Variants in CCDC92B observed in about 807,000 individuals in gnomAD.
The protein encoded by CCDC92B is coiled-coil domain containing 92B.
A neutral mutation model predicts 5.6 loss-of-function variants in CCDC92B; 2 were observed. The ratio of observed to expected loss-of-function variants is 0.36; its 90% CI spans 0.15 to 1.12. CCDC92B has a LOEUF of 1.12. CCDC92B is among the 50% of genes most tolerant of loss of function. CCDC92B has a pLI of 0.40. For synonymous variants in CCDC92B, 115 were observed against 122.3 expected (o/e 0.94, Z 0.39); for missense variants, 271 against 262.2 (o/e 1.03, Z -0.23).
At chr17:2,739,142 C>T (rs185299660) in intron 1 of CCDC92B, among the ~76,000 whole-genome samples, 3,046 of 151,346 alleles carry the variant, frequency 0.02, 161 homozygotes, top group African/African-American at 0.07. Flanking sequence ...CCAAGGTGGG[C>T]GGATCACGAG....
Position 2,724,811 on chromosome 17 carries a change from G to C in CCDC92B, c.368C>G (p.Ala123Gly). 1.0e-6 allele frequency: 1 copy of C among 984,868 alleles called. No homozygotes were observed. Among genetic ancestry groups the C allele is most frequent in the Non-Finnish European group, 1.2e-6 (1 of 829,774 alleles). 61.0% of individuals were successfully genotyped at this position (984,868 alleles called of 1,614,324 possible). Residue 123 changes from alanine (A) to glycine (G), a missense_variant, in exon 4 of 4, where the codon GCC becomes GGC. Coordinates refer to ENST00000614400, the MANE Select transcript of CCDC92B (RefSeq NM_001355573.2). The surrounding 1 kb of genome is among the most constrained non-coding windows in gnomAD (Gnocchi z 5.0). Reference protein sequence around the residue: ...LEELRRRSHRATVLGTELQKH... With the variant: ...LEELRRRSHRGTVLGTELQKH... ...CTGCAGCTCGGTGCCCAGCACGGTG[G>C]CGCGGTGGCTGCGGCGGCGCAGCTC...
intron 3 of CCDC92B, among the ~76,000 whole-genome samples, chr17:2,727,988 C>G (rs555756032): frequency 2.6e-4 from 39 of 151,952 alleles, no homozygotes; most frequent in Admixed American, 1.1e-3. Flanking sequence ...ACAGCCTGGA[C>G]AACAGAGCAA....
rs190817964 is a variant in CCDC92B, at chr17:2,726,454, T to C, written c.179-1454A>G. Among the ~76,000 whole-genome samples, 539 of 152,196 alleles carry C rather than the reference T, an allele frequency of 3.5e-3. 1 individual carries two copies. The highest frequency in any genetic ancestry group is 6.4e-3 in the Admixed American group (97 of 15,264). ...GCCTCAGCCTCCCAAAGTGCTGGGATTACAGGCATGAGCCACCGCGCCCGG... is the reference window on the plus strand; with the variant it reads ...GCCTCAGCCTCCCAAAGTGCTGGGACTACAGGCATGAGCCACCGCGCCCGG... On this transcript the variant is annotated intron_variant, in intron 3 of 3. Coordinates refer to ENST00000614400, the MANE Select transcript of CCDC92B (RefSeq NM_001355573.2).
intron 2 of CCDC92B, among the ~76,000 whole-genome samples, chr17:2,730,980 A>G (rs1048824232): frequency 2.0e-5 from 3 of 152,156 alleles, no homozygotes; most frequent in African/African-American, 7.2e-5. Flanking sequence ...GTGGCTACTT[A>G]CCAGTCTGGA....
chr17:2,731,323 AT>A (rs1423070427), intron 2 of CCDC92B, among the ~76,000 whole-genome samples: 1 of 151,532 alleles, frequency 6.6e-6, no homozygotes, highest in Non-Finnish European at 1.5e-5. Flanking sequence ...GAGTTTGATA[AT>A]TTTTCCAGCC....
chr17:2,742,056 G>A (rs1471688764), intron 1 of CCDC92B, among the ~76,000 whole-genome samples: 1 of 150,304 alleles, frequency 6.7e-6, no homozygotes, highest in Non-Finnish European at 1.5e-5. Flanking sequence ...AGCAGTGGAA[G>A]AACATGATAT....
intron 1 of CCDC92B, among the ~76,000 whole-genome samples, chr17:2,744,957 G>A (rs547924831): frequency 3.3e-5 from 5 of 151,008 alleles, no homozygotes; most frequent in African/African-American, 9.7e-5. Flanking sequence ...TGGTCCCAGC[G>A]TGGAGGCTGA....
At chr17:2,747,148 C>A (rs1477026202) in intron 1 of CCDC92B, among the ~76,000 whole-genome samples, 4 of 152,204 alleles carry the variant, frequency 2.6e-5, no homozygotes, top group African/African-American at 4.8e-5. Context: ...CTTCTTGTGA[C>A]CTGCTTGCCT....
chr17:2,747,445 G>A (rs753189984), intron 1 of CCDC92B, among the ~76,000 whole-genome samples: 6 of 152,176 alleles, frequency 3.9e-5, no homozygotes, highest in Non-Finnish European at 7.4e-5. Context: ...AAATGAATCA[G>A]GTCAGGTGCG....
chr17:2,733,939 T>C (rs538167506), intron 2 of CCDC92B, among the ~76,000 whole-genome samples: 19 of 151,730 alleles, frequency 1.3e-4, no homozygotes, highest in South Asian at 4.2e-4. Flanking sequence ...TTTGTATTTT[T>C]AGTAGAGACG....
intron 1 of CCDC92B, chr17:2,748,061 G>T (rs1438467467): frequency 7.7e-6 from 4 of 517,644 alleles, no homozygotes; most frequent in African/African-American, 3.9e-5. Flanking sequence ...CCCACTGGGT[G>T]CTCGTCCTGG....
intron 2 of CCDC92B, among the ~76,000 whole-genome samples, chr17:2,734,001 C>A (rs2070830043): frequency 6.6e-6 from 1 of 151,904 alleles, no homozygotes; most frequent in South Asian, 2.1e-4. Flanking sequence ...CTCAGGTGAT[C>A]CACCCACCTC....
chr17:2,738,569 G>A (rs1346374028), intron 1 of CCDC92B, among the ~76,000 whole-genome samples: 2 of 147,326 alleles, frequency 1.4e-5, no homozygotes, highest in Non-Finnish European at 1.5e-5. Flanking sequence ...TCGGGAGATC[G>A]AGACCACGGT....
At chr17:2,729,457 G>A (rs1244940451) in intron 3 of CCDC92B, among the ~76,000 whole-genome samples, 1 of 134,218 alleles carries the variant, frequency 7.5e-6, no homozygotes, top group Non-Finnish European at 1.5e-5. Context: ...TCGTGCCACT[G>A]CACTCCAGCC....
intron 2 of CCDC92B, among the ~76,000 whole-genome samples, chr17:2,731,812 T>C (rs899998257): frequency 6.6e-6 from 1 of 152,242 alleles, no homozygotes; most frequent in African/African-American, 2.4e-5. Context: ...CCCAGGGACC[T>C]TGGCCTAGGT....
At position 2,724,114 on chromosome 17, in the gene CCDC92B, C is replaced by T. The variant is rs936290735; in HGVS notation, c.*297G>A. 1 of 985,168 alleles carries T rather than the reference C, an allele frequency of 1.0e-6. No individual in the cohort carries two copies. Among genetic ancestry groups the T allele is most frequent in the African/African-American group, 1.7e-5 (1 of 57,224 alleles). The allele number at this position is 985,168 out of a possible 1,614,324, so 61.0% of individuals were successfully genotyped here. A position where few individuals can be genotyped will look rare whatever the true frequency, so the allele number is the denominator to read the frequency against. On this transcript the variant is annotated 3_prime_UTR_variant, in exon 4 of 4. Coordinates refer to ENST00000614400, the MANE Select transcript of CCDC92B (RefSeq NM_001355573.2). The surrounding 1 kb of genome is among the most constrained non-coding windows in gnomAD (Gnocchi z 5.0). ...AGGGCGTGGCCCCCGCCCCTCCTGTCTCACAGGCAGGTGGGACCAGGCCAG... is the reference window on the plus strand; with the variant it reads ...AGGGCGTGGCCCCCGCCCCTCCTGTTTCACAGGCAGGTGGGACCAGGCCAG...
At position 2,723,881 on chromosome 17, in the gene CCDC92B, G is replaced by A. The variant is rs2070688282; in HGVS notation, c.*530C>T. The A allele has an allele frequency of 1.1e-6, 1 of 919,618 alleles. No homozygotes were observed. Among genetic ancestry groups the A allele is most frequent in the Non-Finnish European group, 1.3e-6 (1 of 769,906 alleles). The allele number at this position is 919,618 out of a possible 1,614,324, so 57.0% of individuals were successfully genotyped here. On this transcript the variant is annotated 3_prime_UTR_variant, in exon 4 of 4. Coordinates refer to ENST00000614400, the MANE Select transcript of CCDC92B (RefSeq NM_001355573.2). The stretch of plus-strand genomic sequence containing the variant: ...CTCACCTGCAAGGACCTATCGGCAG[G>A]GTCAGGGTGGGGGTAGAAGGACCAG...
At chr17:2,731,778 C>A (rs545084341) in intron 2 of CCDC92B, among the ~76,000 whole-genome samples, 4 of 152,242 alleles carry the variant, frequency 2.6e-5, no homozygotes, top group Non-Finnish European at 5.9e-5. Context: ...CAACTGGCCC[C>A]TCCTTCAAGG....
chr17:2,724,176 C>T lies in CCDC92B; in HGVS notation c.*235G>A, dbSNP rs2070694843. ...CGAGTCCTCTCGGTAGAGAAGGTGC[C>T]CCCGCTCGGCCCCGCGGAGGAACTC... On this transcript the variant is annotated 3_prime_UTR_variant, in exon 4 of 4. Transcript: ENST00000614400. This position sits in a 1 kb window ranked among gnomAD's most constrained non-coding sequence, Gnocchi z 5.0. 1.0e-6 allele frequency: 1 copy of T among 985,310 alleles called. No homozygotes were observed. The highest frequency in any genetic ancestry group is 1.2e-6 in the Non-Finnish European group (1 of 829,918). 61.0% of individuals were successfully genotyped at this position (985,310 alleles called of 1,614,324 possible). A position where few individuals can be genotyped will look rare whatever the true frequency, so the allele number is the denominator to read the frequency against.
Sources: gnomAD v4.1 joint callset for allele counts (sites outside exome capture counted in the v4.1 genomes callset) on GRCh38, gnomAD v4.1.1 for gene constraint, Gnocchi (gnomAD v3.1) non-coding constraint, MANE v1.5 for transcripts, NCBI Gene and HGNC (gene_info 2026-07-23, HGNC 2026-07-21) for gene names.